MAGEB6B: variants seen among roughly 807,000 people sequenced by gnomAD.
The protein encoded by MAGEB6B is melanoma-associated antigen B6B.
For missense variants in MAGEB6B, 277 were observed against 251.5 expected (o/e 1.10, Z -0.69); for synonymous variants, 107 against 102.3 (o/e 1.05, Z -0.27).
exon 1 of MAGEB6B, chrX:26,161,248 T>A: frequency 1.4e-6 from 1 of 721,714 alleles, no homozygotes. Flanking sequence ...AAGAGCCCAT[T>A]TTGAAGGCAG....
At chrX:26,162,133 T>A (rs757407421), downstream of MAGEB6B, among the ~76,000 whole-genome samples, 1 of 112,317 alleles carries the variant, frequency 8.9e-6, no homozygotes, top group African/African-American at 3.2e-5. Context: ...CTCACATTCA[T>A]GGCCGTTTAA....
At chrX:26,161,839 T>C, downstream of MAGEB6B, 1 of 1,195,594 alleles carries the variant, frequency 8.4e-7, no homozygotes, top group South Asian at 1.8e-5. Flanking sequence ...GGGCTGGCAC[T>C]GTTCCCTTGG....
At chrX:26,160,934 A>G (rs1264707453) in exon 1 of MAGEB6B, 1 of 620,882 alleles carries the variant, frequency 1.6e-6, no homozygotes, top group Admixed American at 2.2e-5. Context: ...AGCTTCACCC[A>G]TTGGCCCTCC....
exon 1 of MAGEB6B, chrX:26,161,410 C>T (rs1216231608): frequency 1.1e-6 from 1 of 904,898 alleles, no homozygotes; most frequent in Non-Finnish European, 1.6e-6. Flanking sequence ...AGCTGGGTCT[C>T]TCCAATGAAG....
At chrX:26,162,342 T>C (rs1307783942), downstream of MAGEB6B, among the ~76,000 whole-genome samples, 3 of 112,236 alleles carry the variant, frequency 2.7e-5, no homozygotes, top group African/African-American at 9.7e-5. Context: ...AATTGTTTAA[T>C]TCTTGGTTTG....
At chrX:26,160,991 C>A in exon 1 of MAGEB6B, 1 of 766,108 alleles carries the variant, frequency 1.3e-6, no homozygotes, top group Non-Finnish European at 2.0e-6. Context: ...TGCCAAGGGT[C>A]AAAATGAGAA....
chrX:26,161,459 C>A, exon 1 of MAGEB6B: 1 of 1,146,274 alleles, frequency 8.7e-7, no homozygotes, highest in Non-Finnish European at 1.2e-6. Flanking sequence ...GAAGTCGGGT[C>A]TCCTGATGTC....
At chrX:26,161,122 T>C in exon 1 of MAGEB6B, 1 of 976,360 alleles carries the variant, frequency 1.0e-6, no homozygotes, top group East Asian at 3.0e-5. Context: ...AGGGTCAAGA[T>C]GAGGAAAGTT....
At chrX:26,161,072 G>A (rs1387553635) in exon 1 of MAGEB6B, 1 of 1,120,401 alleles carries the variant, frequency 8.9e-7, no homozygotes, top group Admixed American at 2.2e-5. Flanking sequence ...TGGCTCGCCT[G>A]ATGCAGATGT....
exon 1 of MAGEB6B, chrX:26,161,756 T>A (rs765789599): frequency 8.3e-7 from 1 of 1,208,910 alleles, no homozygotes; most frequent in Non-Finnish European, 1.1e-6. Flanking sequence ...CAGTCCCGGT[T>A]TATACCCACA....
chrX:26,160,881 C>G, exon 1 of MAGEB6B: 1 of 602,681 alleles, frequency 1.7e-6, no homozygotes, highest in Non-Finnish European at 2.9e-6. Flanking sequence ...GAGAAAAGTC[C>G]TAGTACCTCC....
At chrX:26,161,527 G>T (rs1296952790) in exon 1 of MAGEB6B, 25 of 1,209,060 alleles carry the variant, frequency 2.1e-5, no homozygotes, top group Non-Finnish European at 2.3e-5. Context: ...AGGTCTGGAA[G>T]TTCCTGGGTC....
exon 1 of MAGEB6B, chrX:26,160,709 G>A (rs939172620): frequency 3.5e-6 from 2 of 573,210 alleles, no homozygotes; most frequent in Non-Finnish European, 6.4e-6. Flanking sequence ...GAAACAAGAA[G>A]AGTCTCGCTC....
At chrX:26,161,298 T>G in exon 1 of MAGEB6B, 1 of 636,245 alleles carries the variant, frequency 1.6e-6, no homozygotes, top group Non-Finnish European at 2.7e-6. Context: ...AAGCCATGCT[T>G]CCCTGAGATC....
chrX:26,162,224 T>C (rs1303794604), downstream of MAGEB6B, among the ~76,000 whole-genome samples: 20 of 112,026 alleles, frequency 1.8e-4, no homozygotes, highest in African/African-American at 6.2e-4. Context: ...CAGAACTAGA[T>C]AACATGATAA....
At chrX:26,160,879 T>C (rs750404272) in exon 1 of MAGEB6B, 10 of 604,854 alleles carry the variant, frequency 1.7e-5, no homozygotes, top group Middle Eastern at 6.1e-4. Context: ...ATGAGAAAAG[T>C]CCTAGTACCT....
In MAGEB6B at chrX:26,161,502, G is replaced by A. The variant is rs761155463; in HGVS notation, c.902G>A (p.Arg301His). ...GGTTTGATCTTCATGAGAGGCAACC[G>A]TGCCACTGAAGAGGAGGTCTGGAAG... Residue 301 changes from arginine (R) to histidine (H), a missense_variant, in exon 1 of 1, where the codon CGT becomes CAT. By Grantham distance (29) the Arg-to-His change is conservative. Transcript: ENST00000416929. The A allele has an allele frequency of 5.8e-6, 7 of 1,202,644 alleles. No individual in the cohort carries two copies. The Admixed American group carries it at 8.8e-5, about 15-fold the overall frequency.
exon 1 of MAGEB6B, chrX:26,161,531 C>T: frequency 8.3e-7 from 1 of 1,210,939 alleles, no homozygotes; most frequent in Non-Finnish European, 1.1e-6. Context: ...CTGGAAGTTC[C>T]TGGGTCTGTT....
exon 1 of MAGEB6B, chrX:26,161,681 C>G: frequency 8.3e-7 from 1 of 1,211,728 alleles, no homozygotes; most frequent in Non-Finnish European, 1.1e-6. Context: ...CCTGTGGGGT[C>G]CACGAGCCTA....
Sources: gnomAD v4.1 joint callset for allele counts (sites outside exome capture counted in the v4.1 genomes callset) on GRCh38, gnomAD v4.1.1 for gene constraint, MANE v1.5 for transcripts, NCBI Gene and HGNC (gene_info 2026-07-23, HGNC 2026-07-21) for gene names.